TRIM14: variants seen among roughly 807,000 people sequenced by gnomAD.
TRIM14 encodes the protein tripartite motif containing 14, also known as tripartite motif-containing protein 14.
TRIM14 carries 28 observed loss-of-function variants against 44.5 expected under a neutral mutation model. The ratio of observed to expected loss-of-function variants is 0.63; its 90% CI spans 0.47 to 0.86. TRIM14 has a LOEUF of 0.86. TRIM14 is among the 40% of genes least tolerant of loss of function. TRIM14 has a pLI of 0.00. For synonymous variants in TRIM14, 299 were observed against 269.2 expected (o/e 1.11, Z -1.08); for missense variants, 607 against 611.1 (o/e 0.99, Z 0.07).
At chr9:98,052,121 G>A in the TRIM14 span, among the ~76,000 whole-genome samples, 1 of 152,174 alleles carries the variant, frequency 6.6e-6, no homozygotes, top group African/African-American at 2.4e-5. Flanking sequence ...GTAATGTAAT[G>A]TAAAACAGAA....
At chr9:98,044,774 T>C in the TRIM14 span, among the ~76,000 whole-genome samples, 4 of 152,002 alleles carry the variant, frequency 2.6e-5, no homozygotes, top group South Asian at 2.1e-4. Flanking sequence ...ACAAGCCAAA[T>C]TGAGATTAAT....
chr9:98,109,691 C>T (rs1485378869), intron 2 of TRIM14, among the ~76,000 whole-genome samples, 198 bp downstream of exon 2: 1 of 152,182 alleles, frequency 6.6e-6, no homozygotes, highest in East Asian at 1.9e-4. Context: ...TGCAGAGCCC[C>T]TTCATGGTCT....
chr9:98,113,113 CAAAAAAA>C (rs57908629), intron 1 of TRIM14, among the ~76,000 whole-genome samples: 36 of 39,268 alleles, frequency 9.2e-4, no homozygotes, highest in South Asian at 3.7e-3. Flanking sequence ...AACTCCATCT[CAAAAAAA>C]AAAAAAAAAA....
the TRIM14 span, chr9:98,060,864 C>A: frequency 6.2e-7 from 1 of 1,614,162 alleles, no homozygotes; most frequent in Non-Finnish European, 8.5e-7. Context: ...AGGCCATACA[C>A]CTCGAAGCAT....
At chr9:98,061,726 G>A in the TRIM14 span, among the ~76,000 whole-genome samples, 1 of 151,420 alleles carries the variant, frequency 6.6e-6, no homozygotes, top group Admixed American at 6.6e-5. Context: ...GTTGCAGTAA[G>A]CCGAGATCGC....
rs747318410 is a variant in TRIM14, at chr9:98,109,975, G to T, written c.217C>A (p.Gln73Lys). The T allele has an allele frequency of 3.7e-6, 6 of 1,613,836 alleles. No individual in the cohort carries two copies. The highest frequency in any genetic ancestry group is 5.1e-6 in the Non-Finnish European group (6 of 1,179,878). Residue 73 changes from glutamine (Q) to lysine (K), a missense_variant, in exon 2 of 6, where the codon CAA (glutamine) becomes AAA (lysine). Gln to Lys is a moderately conservative substitution (Grantham distance 53). Coordinates refer to ENST00000341469, the MANE Select transcript of TRIM14 (RefSeq NM_014788.4). The stretch of plus-strand genomic sequence containing the variant: ...ATTGCCAGCTGCTTTAAACATTCTT[G>T]GCTGAGTTTCTGTACAGGAGGGAGT... ...EAAVHVQKLS[Q>K]ECLKQLAIKK...
intron 5 of TRIM14, 100 bp downstream of exon 5, chr9:98,091,809 A>C: frequency 1.6e-6 from 1 of 606,936 alleles, no homozygotes; most frequent in Non-Finnish European, 2.5e-6. Context: ...ATAAATTCTA[A>C]TGAGAAAAAA....
intron 1 of TRIM14, among the ~76,000 whole-genome samples, chr9:98,118,647 C>T (rs1194373274): frequency 6.6e-6 from 1 of 152,224 alleles, no homozygotes; most frequent in Non-Finnish European, 1.5e-5. Context: ...AACTAAAAGG[C>T]AGACTGTCTT....
At position 98,091,630 on chromosome 9, in the gene TRIM14, T is replaced by G. The variant is rs1564175272; in HGVS notation, c.793+279A>C. On this transcript the variant is annotated intron_variant, in intron 5 of 5. Transcript: ENST00000341469. ...TATATCATTATATGCATATTAGATG[T>G]GCTAAAAAAGCTAAAAGGACAAATA... Among the ~76,000 whole-genome samples the G allele has an allele frequency of 8.5e-5, 13 of 152,296 alleles. No homozygotes were observed. The South Asian group carries it at 2.7e-3, about 32-fold the overall frequency.
rs1388844862 is a variant in TRIM14, at chr9:98,077,435, C to A, written c.*29-7748G>T. On this transcript the variant is annotated intron_variant, in intron 6 of 6. Coordinates refer to the TRIM14 transcript ENST00000375098. ...ATGTTGCCCAGGTTGGTCTTGAACT[C>A]CTGGATTCAAGTGATCCTCCTACTT... Among the ~76,000 whole-genome samples the A allele has an allele frequency of 5.9e-5, 9 of 151,348 alleles. No homozygotes were observed. In the East Asian group the frequency reaches 1.4e-3, roughly 23 times the overall value.
intron 4 of TRIM14, among the ~76,000 whole-genome samples, chr9:98,093,528 A>G (rs537608974): frequency 1.3e-5 from 2 of 152,244 alleles, no homozygotes; most frequent in South Asian, 4.2e-4. Context: ...TCCAAGTGGT[A>G]GACCTCGGAT....
Position 98,087,408 on chromosome 9 carries a change from G to C in TRIM14, c.*62C>G. 1 of 1,609,064 alleles carries C rather than the reference G, an allele frequency of 6.2e-7. No individual in the cohort carries two copies. The highest frequency in any genetic ancestry group is 8.5e-7 in the Non-Finnish European group (1 of 1,176,058). On this transcript the variant is annotated 3_prime_UTR_variant, in exon 6 of 6. Coordinates refer to ENST00000341469, the MANE Select transcript of TRIM14 (RefSeq NM_014788.4). The stretch of plus-strand genomic sequence containing the variant: ...AAGGGGACCAGCCACGCTGATCTAG[G>C]TAGATTAGGCGAGACTGGGCAGCTG...
At chr9:98,047,163 G>A in the TRIM14 span, among the ~76,000 whole-genome samples, 1,501 of 152,258 alleles carry the variant, frequency 9.9e-3, 8 homozygotes, top group Non-Finnish European at 0.016. Flanking sequence ...TCTCATGGTA[G>A]TGAGTAAGTC....
the TRIM14 span, among the ~76,000 whole-genome samples, chr9:98,050,962 C>T: frequency 3.3e-5 from 5 of 152,092 alleles, no homozygotes; most frequent in African/African-American, 1.2e-4. Context: ...TTAGTAGAGA[C>T]AGGGTTTCAC....
chr9:98,090,860 G>C (rs150315954), intron 5 of TRIM14, among the ~76,000 whole-genome samples: 4 of 152,128 alleles, frequency 2.6e-5, no homozygotes, highest in Admixed American at 2.0e-4. Flanking sequence ...CACCGTGCTC[G>C]GCCTTTAAAT....
At chr9:98,061,773 C>G in the TRIM14 span, among the ~76,000 whole-genome samples, 1 of 147,286 alleles carries the variant, frequency 6.8e-6, no homozygotes. Flanking sequence ...AGCAAGATTC[C>G]GTCTCAAAAA....
downstream of TRIM14, among the ~76,000 whole-genome samples, chr9:98,068,708 G>C (rs1829223210): frequency 6.6e-6 from 1 of 151,670 alleles, no homozygotes; most frequent in African/African-American, 2.4e-5. Context: ...AGCTGCTTGG[G>C]AGGCTGAGGC....
intron 6 of TRIM14, chr9:98,075,113 C>T (rs1280893708): frequency 6.6e-6 from 1 of 150,946 alleles, no homozygotes; most frequent in Non-Finnish European, 1.5e-5. Context: ...TGAGAACAGC[C>T]CGGGCAACAT....
At chr9:98,112,737 G>T (rs1164149377) in intron 1 of TRIM14, among the ~76,000 whole-genome samples, 1 of 146,866 alleles carries the variant, frequency 6.8e-6, no homozygotes, top group Non-Finnish European at 1.5e-5. Context: ...GGTGGAGGTT[G>T]CAGTGAGCAG....
Sources: gnomAD v4.1 joint callset for allele counts (sites outside exome capture counted in the v4.1 genomes callset) on GRCh38, gnomAD v4.1.1 for gene constraint, MANE v1.5 for transcripts, NCBI Gene and HGNC (gene_info 2026-07-23, HGNC 2026-07-21) for gene names.